The following SHISA9 variants were observed in gnomAD, a reference collection of about 807,000 sequenced individuals.
SHISA9 encodes the protein protein shisa-9.
Under a neutral mutation model 38.0 loss-of-function variants are expected in SHISA9, and 13 were observed. The ratio of observed to expected loss-of-function variants is 0.34; its 90% CI spans 0.22 to 0.54. The LOEUF (loss-of-function observed/expected upper bound fraction) is 0.54. Among genes scored for constraint, SHISA9 ranks in the 20% least tolerant of loss-of-function variants. The pLI is 0.91. For missense variants in SHISA9, 538 were observed against 575.8 expected (o/e 0.93, Z 0.67); for synonymous variants, 275 against 242.0 (o/e 1.14, Z -1.27).
chr16:13,531,439 TACAGATGGGGAAA>T, the SHISA9 span, among the ~76,000 whole-genome samples: 1 of 152,170 alleles, frequency 6.6e-6, no homozygotes, highest in Non-Finnish European at 1.5e-5. Context: ...CCCCCAATCT[TACAGATGGGGAAA>T]ACTCAGTTCA....
At chr16:13,121,832 TACACACACACACACACACACACACAC>T (rs55727441) in intron 2 of SHISA9, among the ~76,000 whole-genome samples, 9 of 134,916 alleles carry the variant, frequency 6.7e-5, no homozygotes, top group Middle Eastern at 3.8e-3. Flanking sequence ...TATACACACA[TACACACACACACACACACACACACAC>T]ACACACACAC....
chr16:13,106,409 A>C lies in SHISA9; in HGVS notation c.692-96985A>C, dbSNP rs1039663520. 2.0e-5 allele frequency among the ~76,000 whole-genome samples: 3 copies of C among 152,088 alleles called. No individual in the cohort carries two copies. In the South Asian group the frequency reaches 6.2e-4, roughly 32 times the overall value. On this transcript the variant is annotated intron_variant, in intron 2 of 4. Transcript: ENST00000558583. ...TCTGTGGCTTTGGGTGACTCAGTTA[A>C]AGCTTTCTGAACCTCAGTTTCCTTG... is the stretch of plus-strand genomic sequence containing the variant.
At chr16:13,199,115 C>G (rs561608305) in intron 2 of SHISA9, among the ~76,000 whole-genome samples, 2 of 152,256 alleles carry the variant, frequency 1.3e-5, no homozygotes, top group South Asian at 4.1e-4. Flanking sequence ...TTTTCTCTGG[C>G]AGACCTGGAC....
chr16:13,162,251 G>T (rs898892340), intron 2 of SHISA9, among the ~76,000 whole-genome samples: 3 of 152,116 alleles, frequency 2.0e-5, no homozygotes, highest in Admixed American at 6.6e-5. Context: ...AGAACTAGTT[G>T]GTGTAGAAGA....
At chr16:13,271,939 C>T in the SHISA9 span, among the ~76,000 whole-genome samples, 2 of 151,932 alleles carry the variant, frequency 1.3e-5, no homozygotes, top group African/African-American at 4.8e-5. Context: ...ATTAGCCGGG[C>T]ATGGTAGCAG....
chr16:13,009,850 G>A (rs150295658), intron 2 of SHISA9, among the ~76,000 whole-genome samples: 8 of 152,138 alleles, frequency 5.3e-5, no homozygotes, highest in Admixed American at 4.6e-4. Context: ...TGGTGGGAGT[G>A]GGGGCTTGGC....
the SHISA9 span, among the ~76,000 whole-genome samples, chr16:13,322,667 T>C: frequency 2.0e-5 from 3 of 152,242 alleles, 1 homozygote; most frequent in South Asian, 6.2e-4. Context: ...GCAGATGCGC[T>C]TCCCTCACCC....
chr16:13,377,920 C>G, the SHISA9 span, among the ~76,000 whole-genome samples: 2 of 152,162 alleles, frequency 1.3e-5, no homozygotes, highest in African/African-American at 4.8e-5. Context: ...GTAGTCCCAG[C>G]TACCTGGGAG....
At chr16:13,284,647 G>A in the SHISA9 span, among the ~76,000 whole-genome samples, 2 of 152,066 alleles carry the variant, frequency 1.3e-5, no homozygotes, top group Admixed American at 6.6e-5. Context: ...ACCCAGGCTC[G>A]AATGCAGCAG....
intron 2 of SHISA9, among the ~76,000 whole-genome samples, chr16:13,177,051 G>A (rs1356066536): frequency 1.3e-5 from 2 of 152,090 alleles, no homozygotes; most frequent in Non-Finnish European, 2.9e-5. Flanking sequence ...GATTCTCTCT[G>A]CATTTCATTT....
At chr16:13,142,746 G>A (rs1431249819) in intron 2 of SHISA9, among the ~76,000 whole-genome samples, 2 of 152,086 alleles carry the variant, frequency 1.3e-5, no homozygotes, top group South Asian at 2.1e-4. Context: ...AGAGTGGGGG[G>A]GATGTTTCCA....
At chr16:13,349,798 T>C in the SHISA9 span, among the ~76,000 whole-genome samples, 1 of 152,224 alleles carries the variant, frequency 6.6e-6, no homozygotes, top group South Asian at 2.1e-4. Context: ...ATGGTTACTT[T>C]TGTTTAGATG....
the SHISA9 span, among the ~76,000 whole-genome samples, chr16:13,491,870 T>G: frequency 7.0e-5 from 8 of 114,258 alleles, 1 homozygote; most frequent in African/African-American, 2.7e-4. Flanking sequence ...GAGATAGGGG[T>G]CTCTCTATGT....
the SHISA9 span, among the ~76,000 whole-genome samples, chr16:13,276,015 G>T: frequency 4.3e-4 from 66 of 152,010 alleles, no homozygotes; most frequent in African/African-American, 1.5e-3. Context: ...AAATTTTGGT[G>T]CACCCATCAT....
chr16:13,551,051 G>A, the SHISA9 span, among the ~76,000 whole-genome samples: 2 of 151,756 alleles, frequency 1.3e-5, no homozygotes, highest in South Asian at 4.2e-4. Flanking sequence ...TTGAACCTGG[G>A]AGGCGGAGGT....
chr16:13,353,309 G>T, the SHISA9 span, among the ~76,000 whole-genome samples: 1,344 of 152,270 alleles, frequency 8.8e-3, 20 homozygotes, highest in African/African-American at 0.031. Flanking sequence ...ATAAGAAGGA[G>T]AAAAACAGGT....
chr16:13,242,005 A>AAAC, downstream of SHISA9, among the ~76,000 whole-genome samples: 1 of 152,318 alleles, frequency 6.6e-6, no homozygotes, highest in African/African-American at 2.4e-5. Flanking sequence ...TATAACTCAT[A>AAAC]AACAACAACA....
chr16:13,115,378 T>C (rs1489289124), intron 2 of SHISA9, among the ~76,000 whole-genome samples: 1 of 152,212 alleles, frequency 6.6e-6, no homozygotes, highest in African/African-American at 2.4e-5. Flanking sequence ...ATTGTTTCTA[T>C]AGATGTTAAA....
intron 2 of SHISA9, among the ~76,000 whole-genome samples, chr16:13,119,289 T>A (rs1186545711): frequency 6.6e-6 from 1 of 152,098 alleles, no homozygotes; most frequent in Non-Finnish European, 1.5e-5. Context: ...CAGGCTGAAA[T>A]GTTATCATTG....
Sources: allele counts gnomAD v4.1 joint callset (sites outside exome capture counted in the v4.1 genomes callset), GRCh38; gene constraint gnomAD v4.1.1; transcripts MANE v1.5; gene names NCBI Gene and HGNC (gene_info 2026-07-23, HGNC 2026-07-21).